Variants in COPG1 observed in about 807,000 individuals in gnomAD.
COPG1 encodes the protein coatomer subunit gamma-1.
A neutral mutation model predicts 102.8 loss-of-function variants in COPG1; 29 were observed. The ratio of observed to expected loss-of-function variants is 0.28; its 90% confidence interval spans 0.21 to 0.38. The LOEUF (loss-of-function observed/expected upper bound fraction) is 0.38, where lower values mean the gene tolerates loss of function less well. Among genes scored for constraint, COPG1 ranks in the 10% least tolerant of loss-of-function variants. The pLI is 1.00. For synonymous variants in COPG1, 406 were observed against 421.6 expected (o/e 0.96, Z 0.45); for missense variants, 875 against 1,132.7 (o/e 0.77, Z 3.27).
rs1179334147 is a variant in COPG1 at position 129,275,293 on chromosome 3, G to C, written c.2494+1G>C. 6.2e-7 allele frequency: 1 copy of C among 1,613,940 alleles called. No individual in the cohort carries two copies. The highest frequency in any genetic ancestry group is 8.5e-7 in the Non-Finnish European group (1 of 1,179,820). Reference sequence around the variant, plus strand: ...AACACCCACACGTTGCTCCTGGCTGGTAAGTGGCATTTCTAGATGGGGAGG... The same window carrying C: ...AACACCCACACGTTGCTCCTGGCTGCTAAGTGGCATTTCTAGATGGGGAGG... On this transcript the variant is annotated splice_donor_variant, in intron 23 of 23. Transcript: ENST00000314797. LOFTEE classifies it high-confidence loss of function. The surrounding 1 kb of genome is among the most constrained non-coding windows in gnomAD (Gnocchi z 5.0).
chr3:129,277,669 C>T lies in COPG1; in HGVS notation c.*245C>T. On this transcript the variant is annotated 3_prime_UTR_variant, in exon 24 of 24. Transcript: ENST00000314797. ...TCCTAAATCTTGCTGTCCACCCTTCCAGGAAAGGGACATTGTAAATGAATA... is the reference window on the plus strand; with the variant it reads ...TCCTAAATCTTGCTGTCCACCCTTCTAGGAAAGGGACATTGTAAATGAATA... 1 of 415,436 alleles carries T rather than the reference C, an allele frequency of 2.4e-6. No homozygotes were observed. The highest frequency in any genetic ancestry group is 4.5e-6 in the Non-Finnish European group (1 of 224,334). 25.7% of individuals were successfully genotyped at this position (415,436 alleles called of 1,614,324 possible).
In COPG1 at chr3:129,258,111, G is replaced by A. The variant is rs1414637903; in HGVS notation, c.871+251G>A. Among the ~76,000 whole-genome samples the A allele has an allele frequency of 3.3e-5, 5 of 152,252 alleles. No individual in the cohort carries two copies. The East Asian group carries it at 7.7e-4, about 23-fold the overall frequency. On this transcript the variant is annotated intron_variant, in intron 10 of 23. Transcript: ENST00000314797. ...TCGGGTCCACTCTGGAGCCTGTCAG[G>A]TTGGCTGGCCACAGGAGGAGGCCTG...
intron 18 of COPG1, among the ~76,000 whole-genome samples, chr3:129,269,553 A>T (rs763961647): frequency 2.0e-5 from 3 of 152,082 alleles, no homozygotes; most frequent in Non-Finnish European, 4.4e-5. Context: ...GTCTTCTCTT[A>T]AACAGCCCTC....
Position 129,260,349 on chromosome 3 carries a change from C to T in COPG1, c.888C>T (p.Cys296=), listed in dbSNP as rs1213402354. The T allele has an allele frequency of 5.0e-6, 8 of 1,614,094 alleles. No individual in the cohort carries two copies. Among genetic ancestry groups the T allele is most frequent in the Admixed American group, 3.3e-5 (2 of 60,012 alleles). ...APAVSVLQLF[C]SSPKAALRYA... ...TCCCCACAGTGCTCCAGCTTTTCTG[C>T]AGCTCACCCAAGGCTGCTCTCCGCT... The change falls in exon 11 of 24, where the codon TGC becomes TGT. Residue 296 remains cysteine, a synonymous_variant. Coordinates refer to ENST00000314797, the MANE Select transcript of COPG1 (RefSeq NM_016128.4).
chr3:129,252,335 A>G lies in COPG1; in HGVS notation c.145A>G (p.Thr49Ala). ...INPRKCAHIL[T>A]KILYLINQGE... ...CCCTCGGAAATGTGCCCACATCCTC[A>G]CCAAGATTCTTTATCTCATAAACCA... is the stretch of plus-strand genomic sequence containing the variant. The change falls in exon 3 of 24, where the codon ACC becomes GCC. Residue 49 changes from threonine to alanine, a missense_variant. Physicochemically the swap from Thr to Ala is moderately conservative, Grantham distance 58. Coordinates refer to ENST00000314797, the MANE Select transcript of COPG1 (RefSeq NM_016128.4). 1 of 1,612,752 alleles carries G rather than the reference A, an allele frequency of 6.2e-7. No homozygotes were observed. The highest frequency in any genetic ancestry group is 8.5e-7 in the Non-Finnish European group (1 of 1,178,800).
intron 10 of COPG1, 101 bp downstream of exon 10, chr3:129,257,961 G>T: frequency 2.1e-6 from 3 of 1,430,274 alleles, no homozygotes; most frequent in South Asian, 1.3e-5. Flanking sequence ...CTCTTAACAA[G>T]TGTTAAGGAG....
Position 129,272,344 on chromosome 3 carries a change from G to C in COPG1, c.2087G>C (p.Arg696Pro). The C allele has an allele frequency of 1.2e-6, 2 of 1,614,036 alleles. No homozygotes were observed. The highest frequency in any genetic ancestry group is 1.7e-6 in the Non-Finnish European group (2 of 1,179,986). Residue 696 changes from arginine (R) to proline (P), a missense_variant, in exon 20 of 24, where the codon CGG (arginine) becomes CCG (proline). Coordinates refer to ENST00000314797, the MANE Select transcript of COPG1 (RefSeq NM_016128.4). ...GAGGTGCTCTGTTACGTGCCTGCCC[G>C]GAGCCTGCCCTACAACCAGCCCGGG... ...AYEVLCYVPA[R>P]SLPYNQPGTC...
At chr3:129,258,315 G>C (rs146473762) in intron 10 of COPG1, among the ~76,000 whole-genome samples, 8 of 152,208 alleles carry the variant, frequency 5.3e-5, no homozygotes, top group African/African-American at 1.9e-4. Context: ...TGGCAAGGCC[G>C]CCCATCCTCT....
intron 21 of COPG1, 21 bp downstream of exon 21, chr3:129,272,925 A>C (rs749304771): frequency 6.8e-7 from 1 of 1,478,520 alleles, no homozygotes; most frequent in Non-Finnish European, 9.4e-7. Context: ...GGTGTCAGGA[A>C]GCTCAGTTTT....
intron 12 of COPG1, among the ~76,000 whole-genome samples, chr3:129,261,149 G>A (rs1238523146): frequency 2.0e-5 from 3 of 152,222 alleles, no homozygotes; most frequent in Non-Finnish European, 2.9e-5. Context: ...GCAGGTGACT[G>A]CCCTCCTGGA....
chr3:129,272,948 C>T, intron 21 of COPG1, 44 bp downstream of exon 21: 1 of 1,105,044 alleles, frequency 9.0e-7, no homozygotes, highest in South Asian at 1.3e-5. Flanking sequence ...GCTGAGGCTG[C>T]AAAGCAACTC....
At chr3:129,266,920 C>G in intron 14 of COPG1, 104 bp from the exon 15 acceptor site, 1 of 969,992 alleles carries the variant, frequency 1.0e-6, no homozygotes, top group Non-Finnish European at 1.6e-6. Context: ...GACTTCTTGC[C>G]TCTGGGGCTC....
In COPG1 at chr3:129,274,969, A is replaced by C; in HGVS notation, c.2388A>C (p.Thr796=). 1 of 1,614,094 alleles carries C rather than the reference A, an allele frequency of 6.2e-7. No homozygotes were observed. Among genetic ancestry groups the C allele is most frequent in the Non-Finnish European group, 8.5e-7 (1 of 1,179,922 alleles). ...EETFTLSTIK[T]LEEAVGNIVK... ...CGTTCACCTTGTCTACCATCAAGACACTTGAAGGTAAAATCCTGGGAATGC... is the reference window on the plus strand; with the variant it reads ...CGTTCACCTTGTCTACCATCAAGACCCTTGAAGGTAAAATCCTGGGAATGC... The change falls in exon 22 of 24, where the codon ACA becomes ACC. Residue 796 remains threonine (T), a synonymous_variant. Transcript: ENST00000314797.
At chr3:129,252,145 T>C (rs1161062632) in intron 2 of COPG1, 136 bp from the exon 3 acceptor site, 3 of 633,806 alleles carry the variant, frequency 4.7e-6, no homozygotes, top group Admixed American at 5.7e-5. Context: ...CCTTTCCTTA[T>C]GAAAATAAGC....
intron 17 of COPG1, 38 bp downstream of exon 17, chr3:129,268,658 G>A: frequency 6.2e-7 from 1 of 1,608,772 alleles, no homozygotes; most frequent in Non-Finnish European, 8.5e-7. Flanking sequence ...ATCAAGGCCA[G>A]GCCTCTGTTG....
intron 11 of COPG1, 55 bp from the exon 12 acceptor site, chr3:129,260,564 A>G (rs934185904): frequency 3.8e-6 from 6 of 1,586,782 alleles, no homozygotes; most frequent in Middle Eastern, 1.7e-4. Context: ...CAAACCATCA[A>G]ATGTAGTGAC....
At chr3:129,250,846 TG>T in intron 2 of COPG1, 112 bp downstream of exon 2, 1 of 985,856 alleles carries the variant, frequency 1.0e-6, no homozygotes, top group South Asian at 1.3e-5. Flanking sequence ...GGAGAAAACT[TG>T]TGCCTGGAAG....
rs150902290 is a variant in COPG1, at chr3:129,272,334, G to C, written c.2077G>C (p.Val693Leu). 9 of 1,614,094 alleles carry C rather than the reference G, an allele frequency of 5.6e-6. No homozygotes were observed. Among genetic ancestry groups the C allele is most frequent in the Middle Eastern group, 1.6e-4 (1 of 6,062 alleles). Residue 693 changes from valine (V) to leucine (L), a missense_variant, in exon 20 of 24, where the codon GTG (valine) becomes CTG (leucine). Transcript: ENST00000314797. Reference sequence around the variant, plus strand: ...TGAGGCCTATGAGGTGCTCTGTTACGTGCCTGCCCGGAGCCTGCCCTACAA... The same window carrying C: ...TGAGGCCTATGAGGTGCTCTGTTACCTGCCTGCCCGGAGCCTGCCCTACAA... ...PTEAYEVLCY[V>L]PARSLPYNQP...
intron 14 of COPG1, among the ~76,000 whole-genome samples, chr3:129,266,064 C>T (rs971499995): frequency 2.6e-5 from 4 of 151,994 alleles, no homozygotes; most frequent in Admixed American, 6.6e-5. Flanking sequence ...CTCCGCCTCC[C>T]GGGTTCAAGC....
Sources: allele counts gnomAD v4.1 joint callset (sites outside exome capture counted in the v4.1 genomes callset), GRCh38; gene constraint gnomAD v4.1.1; non-coding constraint Gnocchi (gnomAD v3.1); transcripts MANE v1.5; gene names NCBI Gene and HGNC (gene_info 2026-07-23, HGNC 2026-07-21).